Variants in MTA3 observed in about 807,000 individuals in gnomAD.
MTA3 encodes metastasis-associated protein MTA3.
In MTA3, 34 loss-of-function variants were observed where a neutral mutation model predicts 83.5. The ratio of observed to expected loss-of-function variants is 0.41; its 90% CI spans 0.31 to 0.54. The LOEUF (loss-of-function observed/expected upper bound fraction) is 0.54. Among genes scored for constraint, MTA3 ranks in the 20% least tolerant of loss-of-function variants. The pLI is 0.33. For synonymous variants in MTA3, 303 were observed against 252.7 expected (o/e 1.20, Z -1.89); for missense variants, 761 against 726.4 (o/e 1.05, Z -0.55).
intron 11 of MTA3, among the ~76,000 whole-genome samples, chr2:42,699,126 A>G (rs1324220822): frequency 3.3e-5 from 5 of 152,208 alleles, no homozygotes; most frequent in African/African-American, 1.2e-4. Context: ...AATGTAATCT[A>G]AGTCAGGGAT....
At chr2:42,728,811 T>G (rs1668005613) in intron 16 of MTA3, among the ~76,000 whole-genome samples, 1 of 152,204 alleles carries the variant, frequency 6.6e-6, no homozygotes. Flanking sequence ...ATTATTAGAT[T>G]GTTTTCCTAT....
At chr2:42,579,317 G>T in intron 3 of MTA3, 117 bp downstream of exon 3, 2 of 705,894 alleles carry the variant, frequency 2.8e-6, no homozygotes, top group South Asian at 3.9e-5. Flanking sequence ...CTTCTTTGTA[G>T]TTTTGATGGG....
chr2:42,755,652 G>C lies in MTA3; in HGVS notation c.*2253G>C, dbSNP rs575890278. On this transcript the variant is annotated 3_prime_UTR_variant, in exon 17 of 17. Transcript: ENST00000405094. Reference sequence around the variant, plus strand: ...CCCCAGGCAATGGAGGAAGGGTGCCGAGGCGCCTCTAGTCTGTGCCTTTGC... The same window carrying C: ...CCCCAGGCAATGGAGGAAGGGTGCCCAGGCGCCTCTAGTCTGTGCCTTTGC... 4.1e-6 allele frequency: 4 copies of C among 985,434 alleles called. No homozygotes were observed. Among genetic ancestry groups the C allele is most frequent in the African/African-American group, 1.7e-5 (1 of 57,216 alleles). 61.0% of individuals were successfully genotyped at this position (985,434 alleles called of 1,614,324 possible).
intron 8 of MTA3, chr2:42,680,414 G>T (rs901731389): frequency 7.2e-5 from 11 of 152,202 alleles, no homozygotes; most frequent in African/African-American, 2.7e-4. Context: ...CTATTGTTGC[G>T]TAGAAGTGAA....
chr2:42,582,149 C>A (rs1176988017), intron 3 of MTA3, among the ~76,000 whole-genome samples: 5 of 152,088 alleles, frequency 3.3e-5, no homozygotes. Flanking sequence ...GCTCCGCCTC[C>A]CAGGTTCAGG....
At chr2:42,614,798 C>A (rs1285996874) in intron 4 of MTA3, among the ~76,000 whole-genome samples, 1 of 151,600 alleles carries the variant, frequency 6.6e-6, no homozygotes, top group African/African-American at 2.4e-5. Flanking sequence ...AACATTGGGA[C>A]ACCCTGTCTC....
intron 7 of MTA3, 106 bp from the exon 8 acceptor site, chr2:42,659,657 C>A: frequency 1.3e-6 from 1 of 773,162 alleles, no homozygotes; most frequent in Non-Finnish European, 1.8e-6. Flanking sequence ...TTTGCCTCTT[C>A]TTTTACAGTT....
rs556491961 is a variant in MTA3, at chr2:42,671,304, C to T, written c.703-11097C>T. Among the ~76,000 whole-genome samples, 10 of 151,908 alleles carry T rather than the reference C, an allele frequency of 6.6e-5. No homozygotes were observed. In the South Asian group the frequency reaches 8.3e-4, roughly 13 times the overall value. On this transcript the variant is annotated intron_variant, in intron 8 of 16. Transcript: ENST00000405094. ...TTTACAGTATTTTTAAACAGTTTGCCGTATTTGTAGTTACAAATAGATTTT... is the reference window on the plus strand; with the variant it reads ...TTTACAGTATTTTTAAACAGTTTGCTGTATTTGTAGTTACAAATAGATTTT...
intron 11 of MTA3, 126 bp from the exon 12 acceptor site, chr2:42,704,067 TC>T: frequency 1.8e-6 from 2 of 1,115,708 alleles, no homozygotes; most frequent in Non-Finnish European, 2.5e-6. Flanking sequence ...CCAGTTTATT[TC>T]TTCTTCACAC....
rs564540776 is a variant in MTA3, at chr2:42,712,296, A to G, written c.1525+3200A>G. ...AAGATTTACCACTCTTCATCCATAT[A>G]TAGGAATTTTTTTTTTTAAGAGACG... On this transcript the variant is annotated intron_variant, in intron 14 of 16. Transcript: ENST00000405094. Among the ~76,000 whole-genome samples, 156 of 152,116 alleles carry G rather than the reference A, an allele frequency of 1.0e-3. 3 individuals are homozygous for G. In the South Asian group the frequency reaches 0.018, roughly 18 times the overall value.
upstream of MTA3, among the ~76,000 whole-genome samples, chr2:42,565,287 G>T (rs1285843974): frequency 1.3e-5 from 2 of 151,770 alleles, no homozygotes; most frequent in South Asian, 2.1e-4. Flanking sequence ...GGGCTCAAGC[G>T]ATTTGCCTGC....
chr2:42,633,239 A>G (rs1686855942), intron 4 of MTA3, among the ~76,000 whole-genome samples: 1 of 151,794 alleles, frequency 6.6e-6, no homozygotes, highest in East Asian at 1.9e-4. Flanking sequence ...AGATCGCACC[A>G]CTGTATTCCA....
intron 16 of MTA3, among the ~76,000 whole-genome samples, chr2:42,744,664 A>C (rs2104590611): frequency 6.6e-6 from 1 of 152,292 alleles, no homozygotes; most frequent in Admixed American, 6.5e-5. Context: ...AGAGGTTTGC[A>C]AAAGGAAAGG....
At chr2:42,625,746 CAA>C (rs58956321) in intron 4 of MTA3, among the ~76,000 whole-genome samples, 11 of 51,196 alleles carry the variant, frequency 2.1e-4, no homozygotes, top group East Asian at 5.9e-4. Flanking sequence ...GACTCCATCT[CAA>C]AAAAAAAAAA....
chr2:42,573,588 G>T (rs1236046759), intron 2 of MTA3, among the ~76,000 whole-genome samples: 1 of 152,060 alleles, frequency 6.6e-6, no homozygotes, highest in East Asian at 1.9e-4. Context: ...TCCGGTCACT[G>T]CAACCTCTGT....
intron 3 of MTA3, among the ~76,000 whole-genome samples, chr2:42,584,791 C>T (rs1680069267): frequency 6.6e-6 from 1 of 152,014 alleles, no homozygotes; most frequent in Admixed American, 6.6e-5. Flanking sequence ...TGCTTGAGCC[C>T]AGGAGATTGA....
At chr2:42,566,877 G>A (rs1558439594), upstream of MTA3, among the ~76,000 whole-genome samples, 1 of 152,192 alleles carries the variant, frequency 6.6e-6, no homozygotes, top group African/African-American at 2.4e-5. Context: ...AGAGGAAAGG[G>A]CTGATTCATA....
At chr2:42,576,857 A>G (rs1321707172) in intron 2 of MTA3, among the ~76,000 whole-genome samples, 1 of 152,144 alleles carries the variant, frequency 6.6e-6, no homozygotes, top group Non-Finnish European at 1.5e-5. Flanking sequence ...AGATCGTGCC[A>G]TTGCACTCCA....
intron 4 of MTA3, among the ~76,000 whole-genome samples, chr2:42,623,645 T>G (rs1356484606): frequency 1.3e-5 from 2 of 152,076 alleles, no homozygotes; most frequent in African/African-American, 4.8e-5. Context: ...TTGCTGATTG[T>G]ATCCCCATGG....
Sources: allele counts gnomAD v4.1 joint callset (sites outside exome capture counted in the v4.1 genomes callset), GRCh38; gene constraint gnomAD v4.1.1; transcripts MANE v1.5; gene names NCBI Gene and HGNC (gene_info 2026-07-23, HGNC 2026-07-21).